Variants in IL1RAPL2 observed in about 807,000 individuals in gnomAD.
IL1RAPL2 encodes interleukin 1 receptor accessory protein like 2, also known as X-linked interleukin-1 receptor accessory protein-like 2.
Under a neutral mutation model 44.1 loss-of-function variants are expected in IL1RAPL2, and 3 were observed. The observed-to-expected ratio is 0.07, with a 90% CI of 0.03 to 0.18. The LOEUF (loss-of-function observed/expected upper bound fraction) is 0.18, where lower values mean the gene tolerates loss of function less well. IL1RAPL2 is among the 10% of genes least tolerant of loss of function. The pLI is 1.00. For missense variants in IL1RAPL2, 391 were observed against 496.4 expected (o/e 0.79, Z 2.02); for synonymous variants, 181 against 178.8 (o/e 1.01, Z -0.10).
intron 2 of IL1RAPL2, among the ~76,000 whole-genome samples, chrX:104,945,152 C>T (rs1925310148): frequency 9.0e-6 from 1 of 110,803 alleles, no homozygotes; most frequent in African/African-American, 3.3e-5. Flanking sequence ...TTAATAAATG[C>T]TAGTTCAATT....
chrX:105,687,520 T>C (rs1159325872), intron 6 of IL1RAPL2, among the ~76,000 whole-genome samples: 1 of 111,382 alleles, frequency 9.0e-6, no homozygotes, highest in Non-Finnish European at 1.9e-5. Context: ...CTCCCAAGAC[T>C]AAACAAGGAA....
intron 6 of IL1RAPL2, among the ~76,000 whole-genome samples, chrX:105,561,115 G>A (rs1210176957): frequency 2.7e-5 from 3 of 111,318 alleles, no homozygotes; most frequent in Admixed American, 1.9e-4. Context: ...AAAAATGTCA[G>A]TAGCAGAATG....
chrX:105,645,636 T>G (rs1177207351), intron 6 of IL1RAPL2, among the ~76,000 whole-genome samples: 1 of 111,889 alleles, frequency 8.9e-6, no homozygotes, highest in African/African-American at 3.3e-5. Flanking sequence ...CTCTGAAGGT[T>G]TGGTTGCTTC....
intron 2 of IL1RAPL2, among the ~76,000 whole-genome samples, chrX:104,847,361 AT>A (rs1279547314): frequency 9.0e-6 from 1 of 111,593 alleles, no homozygotes; most frequent in East Asian, 2.8e-4. Flanking sequence ...TCTTGAATTA[AT>A]TTTTGTATAA....
chrX:104,632,700 G>A (rs1199783019), intron 1 of IL1RAPL2, among the ~76,000 whole-genome samples: 4 of 108,557 alleles, frequency 3.7e-5, no homozygotes, highest in African/African-American at 1.3e-4. Context: ...TTTGTATCCT[G>A]AGACTTTGCT....
chrX:104,737,339 C>T (rs144102381), intron 2 of IL1RAPL2, among the ~76,000 whole-genome samples: 6 of 112,273 alleles, frequency 5.3e-5, no homozygotes, highest in African/African-American at 1.3e-4. Flanking sequence ...GCTTTGTAGA[C>T]GACTCAATGA....
At chrX:105,337,934 G>T (rs2035041890) in intron 5 of IL1RAPL2, among the ~76,000 whole-genome samples, 1 of 110,996 alleles carries the variant, frequency 9.0e-6, no homozygotes, top group African/African-American at 3.3e-5. Flanking sequence ...AAATGGAGGT[G>T]TTACTCTAAA....
intron 2 of IL1RAPL2, among the ~76,000 whole-genome samples, chrX:104,971,379 G>A (rs1051485555): frequency 2.7e-5 from 3 of 111,071 alleles, no homozygotes; most frequent in South Asian, 3.9e-4. Context: ...AAAGGTCTTC[G>A]GAGAGGTAAA....
chrX:104,654,250 C>T (rs978216721), intron 1 of IL1RAPL2, among the ~76,000 whole-genome samples: 1 of 111,144 alleles, frequency 9.0e-6, no homozygotes, highest in Non-Finnish European at 1.9e-5. Flanking sequence ...AAAACTCTTC[C>T]TATCACATAA....
At chrX:105,590,655 CA>C (rs1406894465) in intron 6 of IL1RAPL2, among the ~76,000 whole-genome samples, 1 of 111,031 alleles carries the variant, frequency 9.0e-6, no homozygotes, top group Non-Finnish European at 1.9e-5. Flanking sequence ...TGTGATGAAT[CA>C]CCTTTATTGA....
intron 2 of IL1RAPL2, among the ~76,000 whole-genome samples, chrX:105,024,949 C>T (rs1377108966): frequency 2.8e-5 from 3 of 107,167 alleles, no homozygotes; most frequent in African/African-American, 1.0e-4. Context: ...GATAGAAATA[C>T]ATTTTCTATG....
chrX:105,638,399 A>G (rs978296573), intron 6 of IL1RAPL2, among the ~76,000 whole-genome samples: 8 of 111,185 alleles, frequency 7.2e-5, no homozygotes, highest in Middle Eastern at 4.7e-3. Context: ...TTTATCCTGG[A>G]TGGTTTACCA....
intron 5 of IL1RAPL2, among the ~76,000 whole-genome samples, chrX:105,365,521 A>T (rs2147714444): frequency 9.0e-6 from 1 of 111,332 alleles, no homozygotes; most frequent in Non-Finnish European, 1.9e-5. Flanking sequence ...CAAAACCAAC[A>T]GACTCTTGGC....
chrX:105,202,984 A>C (rs1167094244), intron 3 of IL1RAPL2, among the ~76,000 whole-genome samples: 2 of 111,527 alleles, frequency 1.8e-5, no homozygotes, highest in East Asian at 5.6e-4. Flanking sequence ...CTAGATGACT[A>C]TTTTATATCA....
chrX:104,647,164 C>T, intron 1 of IL1RAPL2: 2 of 289,528 alleles, frequency 6.9e-6, no homozygotes, highest in Non-Finnish European at 1.3e-5. Flanking sequence ...GGGCTGTGGC[C>T]TAGTCAGCCT....
intron 4 of IL1RAPL2, among the ~76,000 whole-genome samples, chrX:105,241,508 A>G (rs918803916): frequency 2.5e-4 from 28 of 111,784 alleles, no homozygotes; most frequent in African/African-American, 8.8e-4. Flanking sequence ...TCATCCTTGC[A>G]TTAGTATACT....
intron 5 of IL1RAPL2, among the ~76,000 whole-genome samples, chrX:105,371,275 C>G (rs1253884213): frequency 8.9e-6 from 1 of 112,072 alleles, no homozygotes; most frequent in Non-Finnish European, 1.9e-5. Context: ...ATTGCAATTG[C>G]TTTTGATGTC....
At chrX:104,906,832 G>T (rs1240807996) in intron 2 of IL1RAPL2, among the ~76,000 whole-genome samples, 1 of 111,882 alleles carries the variant, frequency 8.9e-6, no homozygotes, top group African/African-American at 3.3e-5. Flanking sequence ...AAATGAGTTA[G>T]GGAGGATTCC....
At chrX:105,545,137 G>A (rs1204315794) in intron 6 of IL1RAPL2, among the ~76,000 whole-genome samples, 2 of 111,401 alleles carry the variant, frequency 1.8e-5, no homozygotes, top group Admixed American at 9.6e-5. Context: ...ATTAACCTAC[G>A]TATTTACCTT....
Sources: gnomAD v4.1 joint callset for allele counts (sites outside exome capture counted in the v4.1 genomes callset) on GRCh38, gnomAD v4.1.1 for gene constraint, MANE v1.5 for transcripts, NCBI Gene and HGNC (gene_info 2026-07-23, HGNC 2026-07-21) for gene names.